NFATC3: variants seen among roughly 807,000 people sequenced by gnomAD.
The protein encoded by NFATC3 is nuclear factor of activated T-cells, cytoplasmic 3.
Under a neutral mutation model 98.6 loss-of-function variants are expected in NFATC3, and 46 were observed. The observed-to-expected ratio is 0.47, with a 90% CI of 0.37 to 0.60. NFATC3 has a LOEUF of 0.60. Among genes scored for constraint, NFATC3 ranks in the 20% least tolerant of loss-of-function variants. The pLI is 0.00. For missense variants in NFATC3, 1,256 were observed against 1,295.5 expected, an observed-to-expected ratio of 0.97 and a Z score of 0.47; for synonymous variants, 512 against 472.2, an observed-to-expected ratio of 1.08 and a Z score of -1.09.
At chr16:68,157,848 G>T in intron 3 of NFATC3, 21 bp from the exon 4 acceptor site, 4 of 1,598,600 alleles carry the variant, frequency 2.5e-6, no homozygotes, top group Non-Finnish European at 3.4e-6. Context: ...GTGCTTTTCT[G>T]TGTTTCTTTT....
intron 8 of NFATC3, among the ~76,000 whole-genome samples, chr16:68,186,701 C>A (rs1416513249): frequency 1.3e-5 from 2 of 152,128 alleles, no homozygotes; most frequent in African/African-American, 4.8e-5. Context: ...TAACTGAACA[C>A]TTTAATTTTT....
intron 1 of NFATC3, chr16:68,089,001 G>A (rs1034572617): frequency 5.1e-6 from 5 of 985,270 alleles, no homozygotes; most frequent in East Asian, 2.3e-4. Flanking sequence ...TAACACCTAA[G>A]TTTTGAATCA....
intron 3 of NFATC3, among the ~76,000 whole-genome samples, chr16:68,137,618 CTTT>C (rs751871604): frequency 2.1e-5 from 3 of 142,422 alleles, no homozygotes; most frequent in Non-Finnish European, 4.6e-5. Context: ...CATTTTCCTT[CTTT>C]TTTTTTTTTT....
chr16:68,133,264 A>T (rs1236113627), intron 3 of NFATC3, among the ~76,000 whole-genome samples: 2 of 152,154 alleles, frequency 1.3e-5, no homozygotes, highest in Non-Finnish European at 2.9e-5. Flanking sequence ...GACTCTGTCT[A>T]AAAATAAAAT....
At chr16:68,136,538 GGATTATAGGT>G (rs1349162378) in intron 3 of NFATC3, among the ~76,000 whole-genome samples, 2 of 152,162 alleles carry the variant, frequency 1.3e-5, no homozygotes, top group East Asian at 3.8e-4. Context: ...CAAAGTGCTA[GGATTATAGGT>G]GTGAGCCACC....
Position 68,097,484 on chromosome 16 carries a change from T to C in NFATC3, c.103+11700T>C, listed in dbSNP as rs2035079868. Among the ~76,000 whole-genome samples the C allele has an allele frequency of 2.0e-5, 3 of 152,150 alleles. No individual in the cohort carries two copies. The South Asian group carries it at 6.2e-4, about 32-fold the overall frequency. ...TTGCACAAAAGAGATTTGAAAGTTA[T>C]TGGTCTATAGATATTGATGATAGTT... On this transcript the variant is annotated intron_variant, in intron 1 of 9. Transcript: ENST00000346183.
intron 9 of NFATC3, among the ~76,000 whole-genome samples, chr16:68,199,317 G>A (rs1352829609): frequency 2.7e-5 from 4 of 149,224 alleles, no homozygotes; most frequent in Non-Finnish European, 4.5e-5. Context: ...TCCGCCTCCC[G>A]GGTTCACGCC....
chr16:68,179,620 G>T (rs2039870909), intron 6 of NFATC3, among the ~76,000 whole-genome samples: 1 of 152,210 alleles, frequency 6.6e-6, no homozygotes, highest in Non-Finnish European at 1.5e-5. Flanking sequence ...GACACAAAAA[G>T]AATGCTTTGG....
chr16:68,108,844 A>T (rs972248673), intron 1 of NFATC3, among the ~76,000 whole-genome samples: 2 of 152,098 alleles, frequency 1.3e-5, no homozygotes. Flanking sequence ...GCAATTGTGA[A>T]TGGGAGTTCA....
At position 68,140,394 on chromosome 16, in the gene NFATC3, A is replaced by G. The variant is rs2037686246; in HGVS notation, c.1401+13784A>G. On this transcript the variant is annotated intron_variant, in intron 3 of 9. Transcript: ENST00000346183. Reference sequence around the variant, plus strand: ...AAGTATTAAGTAGAGGGAAGGGTTTAGAGCTGCACTGTCCAAAAGTGGAAT... The same window carrying G: ...AAGTATTAAGTAGAGGGAAGGGTTTGGAGCTGCACTGTCCAAAAGTGGAAT... Among the ~76,000 whole-genome samples, 3 of 152,258 alleles carry G rather than the reference A, an allele frequency of 2.0e-5. No individual in the cohort carries two copies. The South Asian group carries it at 6.2e-4, about 32-fold the overall frequency.
chr16:68,206,426 C>T (rs1019233590), intron 9 of NFATC3, among the ~76,000 whole-genome samples: 1 of 152,162 alleles, frequency 6.6e-6, no homozygotes, highest in Non-Finnish European at 1.5e-5. Context: ...CCCCTGGTAA[C>T]CTGTACTCTG....
At chr16:68,167,165 A>T in intron 5 of NFATC3, 150 bp downstream of exon 5, 1 of 768,460 alleles carries the variant, frequency 1.3e-6, no homozygotes, top group Middle Eastern at 2.6e-4. Flanking sequence ...ATGAGCTAAC[A>T]TGTTTGGGTG....
chr16:68,154,628 C>T (rs2038513526), intron 3 of NFATC3, among the ~76,000 whole-genome samples: 2 of 152,224 alleles, frequency 1.3e-5, no homozygotes, highest in South Asian at 4.1e-4. Context: ...TCTCAGGGAA[C>T]TGACCTTTAC....
intron 9 of NFATC3, among the ~76,000 whole-genome samples, chr16:68,205,202 A>G (rs2041094262): frequency 4.6e-5 from 7 of 152,106 alleles, no homozygotes; most frequent in Admixed American, 4.6e-4. Context: ...ACATCTATAG[A>G]TGATTTTATG....
chr16:68,218,200 T>A, intron 9 of NFATC3: 1 of 216,076 alleles, frequency 4.6e-6, no homozygotes, highest in Non-Finnish European at 7.9e-6. Flanking sequence ...AGTGCTGGGA[T>A]TACAAGCATG....
chr16:68,120,178 G>A (rs2036496283), intron 1 of NFATC3, among the ~76,000 whole-genome samples: 1 of 151,452 alleles, frequency 6.6e-6, no homozygotes, highest in Admixed American at 6.6e-5. Context: ...CTACTTGAAA[G>A]GTTGAGGTGG....
At chr16:68,205,400 C>T (rs2041104479) in intron 9 of NFATC3, among the ~76,000 whole-genome samples, 3 of 152,058 alleles carry the variant, frequency 2.0e-5, no homozygotes, top group Admixed American at 6.6e-5. Flanking sequence ...CAGGTGCCTG[C>T]CACCACATCC....
intron 1 of NFATC3, among the ~76,000 whole-genome samples, chr16:68,098,297 A>ATTTTTTTTTTTTTTTT (rs71382032): frequency 9.9e-6 from 1 of 101,452 alleles, no homozygotes; most frequent in African/African-American, 4.3e-5. Context: ...TATTATTATT[A>ATTTTTTTTTTTTTTTT]TTATTTTTTT....
chr16:68,205,133 T>C (rs1187078746), intron 9 of NFATC3, among the ~76,000 whole-genome samples: 1 of 152,212 alleles, frequency 6.6e-6, no homozygotes. Flanking sequence ...ATTTTAACTT[T>C]ACATCTACAA....
Sources: gnomAD v4.1 joint callset for allele counts (sites outside exome capture counted in the v4.1 genomes callset) on GRCh38, gnomAD v4.1.1 for gene constraint, MANE v1.5 for transcripts, NCBI Gene and HGNC (gene_info 2026-07-23, HGNC 2026-07-21) for gene names.